The following SCN10A variants were observed in gnomAD, a reference collection of about 807,000 sequenced individuals.
The protein encoded by SCN10A is sodium voltage-gated channel alpha subunit 10, also known as sodium channel protein type 10 subunit alpha.
Under a neutral mutation model 170.7 loss-of-function variants are expected in SCN10A, and 162 were observed. The ratio of observed to expected loss-of-function variants is 0.95; its 90% CI spans 0.84 to 1.08. SCN10A has a LOEUF of 1.08. Ranked by LOEUF, SCN10A falls within the 50% of genes least tolerant of loss-of-function variation. SCN10A has a pLI of 0.00. For synonymous variants in SCN10A, 985 were observed against 904.6 expected (o/e 1.09, Z -1.59); for missense variants, 2,527 against 2,436.9 (o/e 1.04, Z -0.78).
chr3:38,804,251 A>G (rs535792089), intron 1 of SCN10A, among the ~76,000 whole-genome samples: 1 of 152,136 alleles, frequency 6.6e-6, no homozygotes, highest in African/African-American at 2.4e-5. Flanking sequence ...TTCTCTGCTC[A>G]TATTCTCTTC....
At chr3:38,803,937 A>G (rs1559472732) in intron 1 of SCN10A, among the ~76,000 whole-genome samples, 2 of 152,098 alleles carry the variant, frequency 1.3e-5, no homozygotes, top group Admixed American at 1.3e-4. Context: ...CCAAGCCACT[A>G]TCACCCACTT....
chr3:38,775,209 C>A (rs565567431), intron 4 of SCN10A, among the ~76,000 whole-genome samples: 2 of 152,112 alleles, frequency 1.3e-5, no homozygotes, highest in Admixed American at 1.3e-4. Context: ...TTTTTATAAT[C>A]CCGAACAGAA....
At chr3:38,743,512 GC>G (rs1435616176) in intron 13 of SCN10A, among the ~76,000 whole-genome samples, 1 of 152,058 alleles carries the variant, frequency 6.6e-6, no homozygotes, top group African/African-American at 2.4e-5. Context: ...ACCTTCTACA[GC>G]TCCTTACCTC....
At chr3:38,746,541 C>A (rs1273000094) in intron 13 of SCN10A, among the ~76,000 whole-genome samples, 17 of 152,124 alleles carry the variant, frequency 1.1e-4, no homozygotes, top group Non-Finnish European at 2.5e-4. Flanking sequence ...GCCTCCAATC[C>A]TTTAATGGCA....
At chr3:38,709,059 C>A (rs1374175742) in intron 25 of SCN10A, among the ~76,000 whole-genome samples, 1 of 152,178 alleles carries the variant, frequency 6.6e-6, no homozygotes, top group Non-Finnish European at 1.5e-5. Flanking sequence ...CCTCCCCATC[C>A]CAAGGAGGGT....
At chr3:38,795,041 C>T (rs982944292) in intron 1 of SCN10A, among the ~76,000 whole-genome samples, 3 of 152,062 alleles carry the variant, frequency 2.0e-5, no homozygotes, top group African/African-American at 7.2e-5. Flanking sequence ...TTTTTTCTCT[C>T]TCCTTGTCTG....
At chr3:38,740,349 A>G (rs1406902856) in intron 14 of SCN10A, among the ~76,000 whole-genome samples, 1 of 152,194 alleles carries the variant, frequency 6.6e-6, no homozygotes, top group Non-Finnish European at 1.5e-5. Context: ...ACCAGCAGGG[A>G]AGGGAGACAG....
At chr3:38,768,524 C>T (rs1166511994) in intron 5 of SCN10A, among the ~76,000 whole-genome samples, 1 of 152,096 alleles carries the variant, frequency 6.6e-6, no homozygotes, top group Non-Finnish European at 1.5e-5. Context: ...ATACAATATT[C>T]TTGGCTGGCA....
At chr3:38,756,974 A>G (rs756374806) in intron 9 of SCN10A, 44 bp downstream of exon 9, 4 of 1,603,062 alleles carry the variant, frequency 2.5e-6, no homozygotes, top group Non-Finnish European at 3.4e-6. Flanking sequence ...CAGCTGACCC[A>G]CCAGCCTCCA....
chr3:38,719,547 C>T (rs2063368014), intron 20 of SCN10A, among the ~76,000 whole-genome samples: 1 of 151,594 alleles, frequency 6.6e-6, no homozygotes. Context: ...GCGCCCGCCA[C>T]TACGCCCGGC....
intron 1 of SCN10A, among the ~76,000 whole-genome samples, chr3:38,799,768 C>T (rs1258059176): frequency 6.6e-6 from 1 of 151,962 alleles, no homozygotes; most frequent in African/African-American, 2.4e-5. Context: ...ATAATTTTTT[C>T]AGGTGATTTA....
At chr3:38,785,040 G>T (rs1211548737) in intron 4 of SCN10A, among the ~76,000 whole-genome samples, 1 of 152,134 alleles carries the variant, frequency 6.6e-6, no homozygotes, top group Non-Finnish European at 1.5e-5. Context: ...TCAATATTGT[G>T]AAAATGGCCA....
intron 1 of SCN10A, among the ~76,000 whole-genome samples, chr3:38,798,786 C>CTTTTTTTTTTTTTTTT: frequency 2.0e-5 from 2 of 97,732 alleles, no homozygotes; most frequent in Non-Finnish European, 1.9e-5. Flanking sequence ...CCCTTGCCTC[C>CTTTTTTTTTTTTTTTT]TTTTTTTTTT....
intron 15 of SCN10A, 79 bp from the exon 16 acceptor site, chr3:38,728,980 G>T: frequency 6.6e-7 from 1 of 1,516,772 alleles, no homozygotes; most frequent in South Asian, 1.3e-5. Context: ...GGAAACCAAA[G>T]ATCTGGGAAA....
At chr3:38,743,600 A>G (rs981187211) in intron 13 of SCN10A, among the ~76,000 whole-genome samples, 4 of 151,872 alleles carry the variant, frequency 2.6e-5, no homozygotes, top group African/African-American at 7.3e-5. Context: ...TTCTCATCTT[A>G]CCCTTATAAC....
chr3:38,796,232 C>A (rs761082215), intron 1 of SCN10A, among the ~76,000 whole-genome samples: 3 of 152,172 alleles, frequency 2.0e-5, no homozygotes, highest in African/African-American at 7.2e-5. Context: ...GTTTCTGTGT[C>A]TGTCCACAAC....
At chr3:38,809,880 T>C (rs879400927) in intron 1 of SCN10A, among the ~76,000 whole-genome samples, 4 of 152,182 alleles carry the variant, frequency 2.6e-5, no homozygotes, top group Non-Finnish European at 4.4e-5. Context: ...TAAAGATAAG[T>C]GACTCAAGGT....
At chr3:38,762,967 T>C (rs565601743) in intron 6 of SCN10A, among the ~76,000 whole-genome samples, 1 of 152,258 alleles carries the variant, frequency 6.6e-6, no homozygotes, top group South Asian at 2.1e-4. Flanking sequence ...GGGCTACTGG[T>C]GACAGTGGAG....
In SCN10A at chr3:38,728,787, AG is replaced by A; in HGVS notation, c.2394del (p.Phe799LeufsTer11). The A allele has an allele frequency of 6.2e-7, 1 of 1,614,158 alleles. No individual in the cohort carries two copies. The highest frequency in any genetic ancestry group is 2.2e-5 in the East Asian group (1 of 44,876). ...GNLTIILAII[V>X]FVFALVGKQL... is the part of the protein sequence containing the mutation. ...TGCTTGCCAACCAGAGCAAAGACAA[AG>A]ACAATGATGGCCAGGATGATGGTGA... On this transcript the variant is annotated frameshift_variant, in exon 16 of 28. Transcript: ENST00000449082. LOFTEE classifies it high-confidence loss of function.
Sources: allele counts gnomAD v4.1 joint callset (sites outside exome capture counted in the v4.1 genomes callset), GRCh38; gene constraint gnomAD v4.1.1; transcripts MANE v1.5; gene names NCBI Gene and HGNC (gene_info 2026-07-23, HGNC 2026-07-21).